The following MRPS31 variants were observed in gnomAD, a reference collection of about 807,000 sequenced individuals.
MRPS31 encodes the protein mitochondrial ribosomal protein S31, also known as small ribosomal subunit protein mS31.
MRPS31 carries 32 observed loss-of-function variants against 43.1 expected under a neutral mutation model. The ratio of observed to expected loss-of-function variants is 0.74; its 90% CI spans 0.56 to 1.00. MRPS31 has a LOEUF of 1.00. MRPS31 is among the 50% of genes least tolerant of loss of function. The pLI, the probability that MRPS31 is intolerant of heterozygous loss-of-function variation, is 0.00. For synonymous variants in MRPS31, 165 were observed against 161.6 expected, an observed-to-expected ratio of 1.02 and a Z score of -0.16; for missense variants, 437 against 466.7, an observed-to-expected ratio of 0.94 and a Z score of 0.59.
intron 5 of MRPS31, among the ~76,000 whole-genome samples, chr13:40,750,056 T>C (rs545676020): frequency 6.6e-6 from 1 of 152,300 alleles, no homozygotes; most frequent in East Asian, 1.9e-4. Context: ...CAAAGACTTG[T>C]ACACAAAAGT....
chr13:40,753,339 T>C (rs541848886), intron 5 of MRPS31, among the ~76,000 whole-genome samples: 2 of 152,374 alleles, frequency 1.3e-5, no homozygotes, highest in South Asian at 2.1e-4. Context: ...CTTTATGTAA[T>C]AGCATAGAGA....
chr13:40,765,840 AT>A (rs1880827997), intron 2 of MRPS31, among the ~76,000 whole-genome samples: 2 of 152,250 alleles, frequency 1.3e-5, no homozygotes, highest in African/African-American at 2.4e-5. Context: ...ACTAAAAAAA[AT>A]ACTGCCATTT....
In MRPS31 at chr13:40,756,896, C is replaced by A; in HGVS notation, c.717G>T (p.Glu239Asp). 3 of 1,613,728 alleles carry A rather than the reference C, an allele frequency of 1.9e-6. No individual in the cohort carries two copies. Among genetic ancestry groups the A allele is most frequent in the Non-Finnish European group, 8.5e-7 (1 of 1,179,886 alleles). Residue 239 changes from glutamate (E) to aspartate (D), a missense_variant, in exon 4 of 7, where the codon GAG becomes GAT. Glu to Asp is a conservative substitution (Grantham distance 45). Transcript: ENST00000323563. ...ACCTTTTTTTAAGATCATCCGTCTT[C>A]TCCTGGCCAGGATAATTGTCATAGC... ...DEGYDNYPGQ[E>D]KTDDLKKRKN...
At chr13:40,734,924 G>A (rs890258500) in intron 6 of MRPS31, among the ~76,000 whole-genome samples, 2 of 152,164 alleles carry the variant, frequency 1.3e-5, no homozygotes, top group Admixed American at 1.3e-4. Flanking sequence ...CTAGGCGGGG[G>A]AGGAGCCAAG....
rs372548267 is a variant in MRPS31, at chr13:40,734,873, G to A, written c.959-5272C>T. On this transcript the variant is annotated intron_variant, in intron 6 of 6. Transcript: ENST00000323563. The stretch of plus-strand genomic sequence containing the variant: ...ATCCTGCCACTGCACTCCAGTCTGG[G>A]TGACGGAGTGAGACCCTGTCTCAAA... Among the ~76,000 whole-genome samples the A allele has an allele frequency of 8.1e-4, 124 of 152,292 alleles. 3 individuals carry two copies. In the South Asian group the frequency reaches 0.024, roughly 30 times the overall value.
At chr13:40,735,310 C>G (rs1879858405) in intron 6 of MRPS31, among the ~76,000 whole-genome samples, 1 of 152,304 alleles carries the variant, frequency 6.6e-6, no homozygotes, top group Non-Finnish European at 1.5e-5. Flanking sequence ...ATTGCTAGCA[C>G]AGCAGTCTGA....
In MRPS31 at chr13:40,729,148, TG is replaced by T; in HGVS notation, c.*223del. The T allele has an allele frequency of 2.8e-6, 1 of 357,698 alleles. No individual in the cohort carries two copies. The allele number at this position is 357,698 out of a possible 1,614,324, so 22.2% of individuals were successfully genotyped here. On this transcript the variant is annotated 3_prime_UTR_variant, in exon 7 of 7. Coordinates refer to ENST00000323563, the MANE Select transcript of MRPS31 (RefSeq NM_005830.4). ...AAAGGTTAGGAGTTGTTGTCTTAAA[TG>T]TATTACTAATTCCCAGATATTCTTT...
chr13:40,733,665 C>A (rs1409504606), intron 6 of MRPS31, among the ~76,000 whole-genome samples: 1 of 152,108 alleles, frequency 6.6e-6, no homozygotes, highest in Non-Finnish European at 1.5e-5. Flanking sequence ...AAAGCATTCT[C>A]AACAACATAA....
chr13:40,746,734 A>G (rs1880249365), intron 6 of MRPS31, among the ~76,000 whole-genome samples: 2 of 152,214 alleles, frequency 1.3e-5, no homozygotes, highest in Admixed American at 1.3e-4. Context: ...TAATATTTTA[A>G]GATTTAAAAT....
chr13:40,734,417 T>C (rs527417522), intron 6 of MRPS31, among the ~76,000 whole-genome samples: 24 of 152,194 alleles, frequency 1.6e-4, no homozygotes, highest in East Asian at 9.7e-4. Flanking sequence ...CAGGTACCCA[T>C]GGACAAAAAA....
chr13:40,742,301 A>G (rs1880122374), intron 6 of MRPS31, among the ~76,000 whole-genome samples: 1 of 152,206 alleles, frequency 6.6e-6, no homozygotes, highest in Non-Finnish European at 1.5e-5. Flanking sequence ...TAAGTATTGA[A>G]TACACTTTTA....
intron 4 of MRPS31, among the ~76,000 whole-genome samples, chr13:40,755,241 C>A (rs779120666): frequency 1.3e-5 from 2 of 152,296 alleles, no homozygotes; most frequent in Admixed American, 6.5e-5. Context: ...AAGGCTTTTA[C>A]GCTCCATAAC....
At chr13:40,737,278 A>G (rs976375935) in intron 6 of MRPS31, among the ~76,000 whole-genome samples, 14 of 152,112 alleles carry the variant, frequency 9.2e-5, no homozygotes, top group South Asian at 2.1e-4. Context: ...CCAGATTCAT[A>G]AAGCAAGTCC....
At chr13:40,770,053 C>T (rs1383498624) in intron 1 of MRPS31, among the ~76,000 whole-genome samples, 1 of 152,190 alleles carries the variant, frequency 6.6e-6, no homozygotes, top group Non-Finnish European at 1.5e-5. Context: ...AAAAATCTTT[C>T]TCAAGCCTGG....
chr13:40,766,751 C>G lies in MRPS31; in HGVS notation c.435G>C (p.Lys145Asn). 1 of 1,595,008 alleles carries G rather than the reference C, an allele frequency of 6.3e-7. No homozygotes were observed. Among genetic ancestry groups the G allele is most frequent in the Non-Finnish European group, 8.5e-7 (1 of 1,172,636 alleles). The change falls in exon 2 of 7, where the codon AAG becomes AAC. Residue 145 changes from lysine (K) to asparagine (N), a missense_variant. By Grantham distance (94) the Lys-to-Asn change is moderately conservative. Coordinates refer to ENST00000323563, the MANE Select transcript of MRPS31 (RefSeq NM_005830.4). ...RLRRATEYAP[K>N]KRIEPLSPEL... The stretch of plus-strand genomic sequence containing the variant: ...TGAATTACAATTAAATTTACCTCTT[C>G]TTTGGAGCATATTCTGTAGCTCTTC...
chr13:40,745,322 G>A (rs988263511), intron 6 of MRPS31, among the ~76,000 whole-genome samples: 5 of 150,706 alleles, frequency 3.3e-5, no homozygotes, highest in African/African-American at 1.2e-4. Flanking sequence ...GCACAATCTC[G>A]GCTCACCACA....
intron 6 of MRPS31, among the ~76,000 whole-genome samples, chr13:40,738,590 A>G (rs899923058): frequency 3.9e-5 from 6 of 152,146 alleles, no homozygotes; most frequent in Admixed American, 3.9e-4. Context: ...CTTATCCATC[A>G]TGATCAAGTG....
At chr13:40,747,866 T>A (rs1303964313) in intron 6 of MRPS31, among the ~76,000 whole-genome samples, 1 of 152,090 alleles carries the variant, frequency 6.6e-6, no homozygotes, top group African/African-American at 2.4e-5. Context: ...AATACGAATA[T>A]ACAAAATATT....
intron 6 of MRPS31, among the ~76,000 whole-genome samples, chr13:40,733,959 C>CAAAA: frequency 3.5e-5 from 2 of 56,656 alleles, no homozygotes; most frequent in East Asian, 5.2e-4. Flanking sequence ...GACTCTGACT[C>CAAAA]AAAAAAAAAA....
Sources: allele counts gnomAD v4.1 joint callset (sites outside exome capture counted in the v4.1 genomes callset), GRCh38; gene constraint gnomAD v4.1.1; transcripts MANE v1.5; gene names NCBI Gene and HGNC (gene_info 2026-07-23, HGNC 2026-07-21).